Variants in PCDHGA11 observed in about 807,000 individuals in gnomAD.
PCDHGA11 encodes the protein protocadherin gamma subfamily A, 11.
Under a neutral mutation model 60.4 loss-of-function variants are expected in PCDHGA11, and 39 were observed. The observed-to-expected ratio is 0.65, with a 90% CI of 0.50 to 0.84. The LOEUF (loss-of-function observed/expected upper bound fraction) is 0.84, where lower values mean the gene tolerates loss of function less well. Among genes scored for constraint, PCDHGA11 ranks in the 40% least tolerant of loss-of-function variants. The pLI, the probability that PCDHGA11 is intolerant of heterozygous loss-of-function variation, is 0.00. For missense variants in PCDHGA11, 1,165 were observed against 1,197.7 expected (o/e 0.97, Z 0.40); for synonymous variants, 533 against 510.3 (o/e 1.04, Z -0.60).
chr5:141,503,616 A>G (rs1260134621), intron 2 of PCDHGA11, among the ~76,000 whole-genome samples: 2 of 150,944 alleles, frequency 1.3e-5, no homozygotes, highest in African/African-American at 2.4e-5. Context: ...AAAAAAAAAG[A>G]AAAAAGAAAA....
At chr5:141,503,620 A>C (rs1475731896) in intron 2 of PCDHGA11, among the ~76,000 whole-genome samples, 1 of 152,026 alleles carries the variant, frequency 6.6e-6, no homozygotes, top group East Asian at 1.9e-4. Flanking sequence ...AAAAAGAAAA[A>C]AGAAAAGAAA....
rs1247535353 is a variant in PCDHGA11, at chr5:141,421,434, C to T, written c.207C>T (p.Ser69=). 1 of 1,613,980 alleles carries T rather than the reference C, an allele frequency of 6.2e-7. No individual in the cohort carries two copies. Among genetic ancestry groups the T allele is most frequent in the Non-Finnish European group, 8.5e-7 (1 of 1,179,930 alleles). Residue 69 remains serine (S), a synonymous_variant, in exon 1 of 4, where the codon TCC becomes TCT. Transcript: ENST00000398587. ...ELAKRGVRIV[S]RGKTQLFAVN... ...CGAAGCGCGGAGTCCGCATCGTCTC[C>T]AGAGGGAAGACACAGCTTTTCGCTG...
intron 1 of PCDHGA11, among the ~76,000 whole-genome samples, chr5:141,435,445 C>T (rs190910353): frequency 3.9e-5 from 6 of 152,224 alleles, no homozygotes; most frequent in Middle Eastern, 3.4e-3. Flanking sequence ...TTCATTAATA[C>T]GATATCTGTA....
rs978782104 is a variant in PCDHGA11 at position 141,431,445 on chromosome 5, G to C, written c.2433+7785G>C. 1 of 1,613,742 alleles carries C rather than the reference G, an allele frequency of 6.2e-7. No homozygotes were observed. On this transcript the variant is annotated intron_variant, in intron 1 of 3. Transcript: ENST00000398587. This position sits in a 1 kb window ranked among gnomAD's most constrained non-coding sequence, Gnocchi z 4.8. ...GTGCGCACAGGCACCGCGCGCATCC[G>C]CGTGATGGTTCTGGATGCGAACGAC...
chr5:141,468,680 C>T (rs1176643092), intron 1 of PCDHGA11: 1 of 151,074 alleles, frequency 6.6e-6, no homozygotes, highest in Non-Finnish European at 1.5e-5. Flanking sequence ...TCCTGGCTAA[C>T]ACGGTGAAAC....
rs137901127 is a variant in PCDHGA11 at position 141,436,420 on chromosome 5, A to G, written c.2433+12760A>G. 1.4e-3 allele frequency among the ~76,000 whole-genome samples: 213 copies of G among 152,326 alleles called. 1 individual carries two copies. The highest frequency in any genetic ancestry group is 4.8e-3 in the African/African-American group (199 of 41,594). ...AGTTGTTGAATGAATGGATAAACAA[A>G]TAATGTACTCTGGGGATTACCTGAT... On this transcript the variant is annotated intron_variant, in intron 1 of 3. Coordinates refer to ENST00000398587, the MANE Select transcript of PCDHGA11 (RefSeq NM_018914.3).
At position 141,431,374 on chromosome 5, in the gene PCDHGA11, G is replaced by T. The variant is rs1561851775; in HGVS notation, c.2433+7714G>T. On this transcript the variant is annotated intron_variant, in intron 1 of 3. Coordinates refer to ENST00000398587, the MANE Select transcript of PCDHGA11 (RefSeq NM_018914.3). The surrounding 1 kb of genome is among the most constrained non-coding windows in gnomAD (Gnocchi z 4.8). ...AACGCGCCCTGGACCGCGAAGAAAA[G>T]GCTGCTCACCACCTGGTCCTTACGG... 1.9e-6 allele frequency: 3 copies of T among 1,613,862 alleles called. No individual in the cohort carries two copies. Among genetic ancestry groups the T allele is most frequent in the Non-Finnish European group, 2.5e-6 (3 of 1,180,044 alleles).
chr5:141,485,922 G>C lies in PCDHGA11; in HGVS notation c.2434-8885G>C. 6.2e-7 allele frequency: 1 copy of C among 1,614,170 alleles called. No individual in the cohort carries two copies. The highest frequency in any genetic ancestry group is 8.5e-7 in the Non-Finnish European group (1 of 1,180,036). On this transcript the variant is annotated intron_variant, in intron 1 of 3. Transcript: ENST00000398587. This position sits in a 1 kb window ranked among gnomAD's most constrained non-coding sequence, Gnocchi z 5.7. The stretch of plus-strand genomic sequence containing the variant: ...TTCCAGCAATCCAGCTACAGGATTA[G>C]TGTGTTGGAGAGCGCACCAGCGGGC...
intron 1 of PCDHGA11, among the ~76,000 whole-genome samples, chr5:141,449,520 C>T (rs1384869748): frequency 1.4e-5 from 2 of 144,104 alleles, no homozygotes; most frequent in Non-Finnish European, 1.5e-5. Context: ...ACCTGGGAGG[C>T]GGAGGTTGCA....
rs895234762 is a variant in PCDHGA11 at position 141,476,911 on chromosome 5, A to G, written c.2434-17896A>G. 4 of 1,613,972 alleles carry G rather than the reference A, an allele frequency of 2.5e-6. No individual in the cohort carries two copies. The African/African-American group carries it at 4.0e-5, about 16-fold the overall frequency. On this transcript the variant is annotated intron_variant, in intron 1 of 3. Transcript: ENST00000398587. This position sits in a 1 kb window ranked among gnomAD's most constrained non-coding sequence, Gnocchi z 7.6. ...CACCCTCCGGCACGCGCGTGGTACA[A>G]GTCCTTGCAACGGATCTGGATGAAG...
intron 1 of PCDHGA11, among the ~76,000 whole-genome samples, chr5:141,484,797 G>C (rs1228143036): frequency 6.6e-6 from 1 of 152,064 alleles, no homozygotes; most frequent in Non-Finnish European, 1.5e-5. Flanking sequence ...ATAACAACCC[G>C]TGGAAAAACA....
At chr5:141,427,954 T>G in intron 1 of PCDHGA11, 1 of 1,587,162 alleles carries the variant, frequency 6.3e-7, no homozygotes, top group Non-Finnish European at 8.6e-7. Context: ...AATGACAATG[T>G]GCCGCGGGTG....
chr5:141,509,056 G>C (rs1303823294), intron 3 of PCDHGA11, among the ~76,000 whole-genome samples: 1 of 152,178 alleles, frequency 6.6e-6, no homozygotes, highest in Non-Finnish European at 1.5e-5. Flanking sequence ...CCCCCAGAAA[G>C]CTCTCAGCTC....
In PCDHGA11 at chr5:141,422,219, C is replaced by T; in HGVS notation, c.992C>T (p.Thr331Ile). 6.4e-7 allele frequency: 1 copy of T among 1,564,678 alleles called. No homozygotes were observed. Among genetic ancestry groups the T allele is most frequent in the Non-Finnish European group, 8.6e-7 (1 of 1,160,734 alleles). Residue 331 changes from threonine (T) to isoleucine (I), a missense_variant, in exon 1 of 4, where the codon ACC becomes ATC. Coordinates refer to ENST00000398587, the MANE Select transcript of PCDHGA11 (RefSeq NM_018914.3). The stretch of plus-strand genomic sequence containing the variant: ...CAAGATGGTGGAGGTCTCTTTACCA[C>T]CACGACGATGTTGATCACTGTTGTG... Reference protein sequence around the residue: ...QGQDGGGLFTTTTMLITVVDV... With the variant: ...QGQDGGGLFTITTMLITVVDV...
chr5:141,438,072 A>C (rs761630845), intron 1 of PCDHGA11, among the ~76,000 whole-genome samples: 1 of 152,158 alleles, frequency 6.6e-6, no homozygotes, highest in Non-Finnish European at 1.5e-5. Flanking sequence ...AACCATACTT[A>C]ATGGAAAATT....
Position 141,421,748 on chromosome 5 carries a change from G to C in PCDHGA11, c.521G>C (p.Ser174Thr). The C allele has an allele frequency of 6.2e-7, 1 of 1,613,944 alleles. No homozygotes were observed. The highest frequency in any genetic ancestry group is 8.5e-7 in the Non-Finnish European group (1 of 1,179,860). The change falls in exon 1 of 4, where the codon AGC (serine) becomes ACC (threonine). Residue 174 changes from serine (S) to threonine (T), a missense_variant. By Grantham distance (58) the Ser-to-Thr change is moderately conservative (BLOSUM62 1). Coordinates refer to ENST00000398587, the MANE Select transcript of PCDHGA11 (RefSeq NM_018914.3). ...AACTCCCTCCAGAGCTACCAGCTCA[G>C]CCCTAATAATTACTTTTCCTTGCAA... The part of the protein sequence containing the change: ...GVNSLQSYQL[S>T]PNNYFSLQLR...
chr5:141,454,798 T>A (rs866302149), intron 1 of PCDHGA11, among the ~76,000 whole-genome samples: 2 of 58,950 alleles, frequency 3.4e-5, no homozygotes, highest in Non-Finnish European at 6.4e-5. Context: ...TGGTTCTAAT[T>A]TTTTTTTTTT....
Position 141,476,370 on chromosome 5 carries a change from A to G in PCDHGA11, c.2434-18437A>G, listed in dbSNP as rs747703594. 13 of 1,613,882 alleles carry G rather than the reference A, an allele frequency of 8.1e-6. No individual in the cohort carries two copies. In the East Asian group the frequency reaches 2.7e-4, roughly 33 times the overall value. On this transcript the variant is annotated intron_variant, in intron 1 of 3. Transcript: ENST00000398587. This position sits in a 1 kb window ranked among gnomAD's most constrained non-coding sequence, Gnocchi z 7.6. ...TTTGAGGTGAACCGGGAGACCGGAG[A>G]GATGTTTGTGAACGACCGTCTGGAT...
chr5:141,427,664 C>T (rs760682962), intron 1 of PCDHGA11: 11 of 775,778 alleles, frequency 1.4e-5, no homozygotes, highest in East Asian at 1.0e-4. Context: ...TCCACGTGGC[C>T]GAAAACAACC....
Sources: gnomAD v4.1 joint callset for allele counts (sites outside exome capture counted in the v4.1 genomes callset) on GRCh38, gnomAD v4.1.1 for gene constraint, Gnocchi (gnomAD v3.1) non-coding constraint, MANE v1.5 for transcripts, NCBI Gene and HGNC (gene_info 2026-07-23, HGNC 2026-07-21) for gene names.